The following EML1 variants were observed in gnomAD, a reference collection of about 807,000 sequenced individuals.
The protein encoded by EML1 is EMAP like 1.
In EML1, 27 loss-of-function variants were observed where a neutral mutation model predicts 110.4. The ratio of observed to expected loss-of-function variants is 0.24; its 90% CI spans 0.18 to 0.34. EML1 has a LOEUF of 0.34. Among genes scored for constraint, EML1 ranks in the 10% least tolerant of loss-of-function variants. The pLI, the probability that EML1 is intolerant of heterozygous loss-of-function variation, is 1.00. For missense variants in EML1, 741 were observed against 1,030.9 expected, an observed-to-expected ratio of 0.72 and a Z score of 3.85; for synonymous variants, 344 against 385.8, an observed-to-expected ratio of 0.89 and a Z score of 1.27.
intron 1 of EML1, among the ~76,000 whole-genome samples, chr14:99,798,106 G>A (rs1337052549): frequency 6.6e-6 from 1 of 152,174 alleles, no homozygotes; most frequent in Admixed American, 6.5e-5. Context: ...TGAAAAATCA[G>A]CCGAAGTTGT....
intron 5 of EML1, 75 bp from the exon 6 acceptor site, chr14:99,894,554 A>G (rs996749334): frequency 2.0e-6 from 3 of 1,503,532 alleles, no homozygotes; most frequent in Non-Finnish European, 1.8e-6. Flanking sequence ...CTGAAAGGCT[A>G]GAGAGGATAA....
chr14:99,782,159 C>T (rs923272119), intron 1 of EML1, among the ~76,000 whole-genome samples: 3 of 152,240 alleles, frequency 2.0e-5, no homozygotes, highest in Non-Finnish European at 2.9e-5. Context: ...CCAACCCCTC[C>T]ACCCCCACCA....
intron 17 of EML1, among the ~76,000 whole-genome samples, chr14:99,930,862 G>A (rs950796540): frequency 6.6e-6 from 1 of 152,222 alleles, no homozygotes; most frequent in Non-Finnish European, 1.5e-5. Context: ...AAATCTGAAT[G>A]TGAAGATGAA....
intron 1 of EML1, among the ~76,000 whole-genome samples, chr14:99,819,628 G>C (rs143076944): frequency 6.6e-6 from 1 of 152,190 alleles, no homozygotes; most frequent in Non-Finnish European, 1.5e-5. Context: ...CTGCGGTGAC[G>C]GGAAGAGGGG....
intron 1 of EML1, among the ~76,000 whole-genome samples, chr14:99,816,080 A>G (rs982146966): frequency 6.6e-6 from 1 of 152,182 alleles, no homozygotes; most frequent in Non-Finnish European, 1.5e-5. Context: ...ATTGATGTCA[A>G]ATGTTGTCAG....
rs541872195 is a variant in EML1 at position 99,936,348 on chromosome 14, CG to C, written c.2095+18del. On this transcript the variant is annotated intron_variant, in intron 19 of 21. Transcript: ENST00000262233. This position sits in a 1 kb window ranked among gnomAD's most constrained non-coding sequence, Gnocchi z 5.5. ...AAATCCTCTACTGTGAGTACCACCC[CG>C]GGGTTGTATGAAGTCTCGATCTCAG... The C allele has an allele frequency of 3.1e-4, 502 of 1,610,618 alleles. 3 individuals are homozygous for C. In the African/African-American group the frequency reaches 6.0e-3, roughly 19 times the overall value.
rs551304735 is a variant in EML1 at position 99,877,936 on chromosome 14, C to T, written c.384-549C>T. On this transcript the variant is annotated intron_variant, in intron 3 of 21. Transcript: ENST00000262233. ...CACCATCCCCCCGGGTTGCACACCA[C>T]CATCTGGACCAAGGTTGTCCAACCC... 3.9e-5 allele frequency among the ~76,000 whole-genome samples: 6 copies of T among 152,312 alleles called. No individual in the cohort carries two copies. In the East Asian group the frequency reaches 1.2e-3, roughly 29 times the overall value.
Position 99,865,654 on chromosome 14 carries a change from A to G in EML1, c.383+8A>G, listed in dbSNP as rs1466891537. ...TGTGCCAGCAACCAAAAGGTGAGCC[A>G]GAAGCAGGGCCTTAAATGAACTCTC... On this transcript the variant is annotated splice_region_variant and intron_variant, in intron 3 of 21. Transcript: ENST00000262233. The G allele has an allele frequency of 1.2e-6, 2 of 1,613,562 alleles. No individual in the cohort carries two copies. Among genetic ancestry groups the G allele is most frequent in the Non-Finnish European group, 1.7e-6 (2 of 1,179,840 alleles).
At chr14:99,808,390 G>C (rs529883449) in intron 1 of EML1, among the ~76,000 whole-genome samples, 69 of 152,160 alleles carry the variant, frequency 4.5e-4, no homozygotes, top group Non-Finnish European at 5.3e-4. Flanking sequence ...TCTGGATCCT[G>C]AGAAGCTTTT....
In EML1 at chr14:99,827,573, G is replaced by C. The variant is rs1194604819; in HGVS notation, c.68-23280G>C. Among the ~76,000 whole-genome samples, 1 of 152,036 alleles carries C rather than the reference G, an allele frequency of 6.6e-6. No homozygotes were observed. Among genetic ancestry groups the C allele is most frequent in the Admixed American group, 6.5e-5 (1 of 15,274 alleles). On this transcript the variant is annotated intron_variant, in intron 1 of 21. Coordinates refer to ENST00000262233, the MANE Select transcript of EML1 (RefSeq NM_004434.3). The surrounding 1 kb of genome is among the most constrained non-coding windows in gnomAD (Gnocchi z 4.4). Reference sequence around the variant, plus strand: ...ACTTGGAAATAGAGTCTTTAAAGAGGTGATTAAGTTAAACGTGGCCGTTAG... The same window carrying C: ...ACTTGGAAATAGAGTCTTTAAAGAGCTGATTAAGTTAAACGTGGCCGTTAG...
chr14:99,748,178 A>G (rs1385947266), intron 1 of EML1, among the ~76,000 whole-genome samples: 1 of 152,078 alleles, frequency 6.6e-6, no homozygotes, highest in East Asian at 1.9e-4. Context: ...TGTCACAGGG[A>G]TGGCATCGCT....
intron 4 of EML1, among the ~76,000 whole-genome samples, chr14:99,884,284 C>T (rs530044391): frequency 5.3e-5 from 8 of 152,280 alleles, no homozygotes; most frequent in African/African-American, 1.7e-4. Context: ...AATTCCCCAG[C>T]GCCTGTTTCT....
At chr14:99,868,945 T>C (rs975030801) in intron 3 of EML1, among the ~76,000 whole-genome samples, 11 of 152,332 alleles carry the variant, frequency 7.2e-5, no homozygotes, top group Middle Eastern at 3.4e-3. Context: ...TTGATCACTA[T>C]AGACTTCCCT....
intron 15 of EML1, among the ~76,000 whole-genome samples, chr14:99,915,693 T>C (rs1306432702): frequency 2.6e-5 from 4 of 152,138 alleles, no homozygotes; most frequent in Non-Finnish European, 5.9e-5. Context: ...ACCTAGCTAG[T>C]GTTAGAACCC....
intron 1 of EML1, among the ~76,000 whole-genome samples, chr14:99,738,020 G>A (rs956274182): frequency 9.2e-5 from 14 of 152,220 alleles, no homozygotes; most frequent in Non-Finnish European, 1.8e-4. Flanking sequence ...CTGGAAGGGG[G>A]GAGCTTGACT....
intron 1 of EML1, among the ~76,000 whole-genome samples, chr14:99,748,784 G>A (rs879702377): frequency 1.3e-5 from 2 of 152,150 alleles, no homozygotes; most frequent in Admixed American, 6.5e-5. Flanking sequence ...CGTCGTCCAC[G>A]GAAAAATCCA....
chr14:99,844,406 G>C (rs1320662884), intron 1 of EML1, among the ~76,000 whole-genome samples: 1 of 151,834 alleles, frequency 6.6e-6, no homozygotes, highest in South Asian at 2.1e-4. Flanking sequence ...CTGAATCTGG[G>C]AGGTGGAGGT....
In EML1 at chr14:99,850,926, G is replaced by T. The variant is rs2058785844; in HGVS notation, c.141G>T (p.Met47Ile). The change falls in exon 2 of 22, where the codon ATG (methionine) becomes ATT (isoleucine). Residue 47 changes from methionine (M) to isoleucine (I), a missense_variant. This residue lies in a region of EML1 where 226 missense variants were observed against 255.6 expected (regional missense o/e 0.88). Coordinates refer to ENST00000262233, the MANE Select transcript of EML1 (RefSeq NM_004434.3). ...CTTCACTGGAGCAGAGAGTCCAGAT[G>T]CAAGAAGACGACATCCAGCTGCTCA... ...RIASLEQRVQMQEDDIQLLKS... is the reference protein window; with the variant it reads ...RIASLEQRVQIQEDDIQLLKS... The T allele has an allele frequency of 6.2e-7, 1 of 1,614,208 alleles. No individual in the cohort carries two copies. The highest frequency in any genetic ancestry group is 8.5e-7 in the Non-Finnish European group (1 of 1,180,032).
chr14:99,776,500 T>TTC (rs2140209483), intron 1 of EML1, among the ~76,000 whole-genome samples: 3 of 146,666 alleles, frequency 2.0e-5, no homozygotes, highest in African/African-American at 7.7e-5. Flanking sequence ...CGAGACTCCA[T>TTC]CTCAAAAAAA....
Sources: allele counts gnomAD v4.1 joint callset (sites outside exome capture counted in the v4.1 genomes callset), GRCh38; gene constraint gnomAD v4.1.1; regional missense constraint gnomAD v4.1.1; non-coding constraint Gnocchi (gnomAD v3.1); transcripts MANE v1.5; gene names NCBI Gene and HGNC (gene_info 2026-07-23, HGNC 2026-07-21).